The following DIAPH2 variants were observed in gnomAD, a reference collection of about 807,000 sequenced individuals.
The protein encoded by DIAPH2 is protein diaphanous homolog 2.
A neutral mutation model predicts 92.7 loss-of-function variants in DIAPH2; 35 were observed. The ratio of observed to expected loss-of-function variants is 0.38; its 90% CI spans 0.29 to 0.50. DIAPH2 has a LOEUF of 0.50. DIAPH2 is among the 20% of genes least tolerant of loss of function. The probability of loss-of-function intolerance (pLI) is 0.94; values close to 1 mark genes in which losing one functional copy is unlikely to be tolerated. For synonymous variants in DIAPH2, 301 were observed against 280.4 expected, an observed-to-expected ratio of 1.07 and a Z score of -0.73; for missense variants, 701 against 819.5, an observed-to-expected ratio of 0.86 and a Z score of 1.77.
At chrX:97,083,885 T>C (rs2066765152) in intron 19 of DIAPH2, among the ~76,000 whole-genome samples, 1 of 111,620 alleles carries the variant, frequency 9.0e-6, no homozygotes, top group Non-Finnish European at 1.9e-5. Context: ...CATGTTAAGC[T>C]CTGATTCTGA....
chrX:96,940,188 G>T (rs971949491), intron 12 of DIAPH2, among the ~76,000 whole-genome samples: 3 of 110,969 alleles, frequency 2.7e-5, no homozygotes, highest in Non-Finnish European at 3.8e-5. Flanking sequence ...TATTAAGTAA[G>T]GTTTTACTGT....
chrX:97,302,930 G>C lies in DIAPH2; in HGVS notation c.2845-45186G>C, dbSNP rs192986100. Among the ~76,000 whole-genome samples, 477 of 112,230 alleles carry C rather than the reference G, an allele frequency of 4.3e-3. 3 individuals are homozygous for C. Among genetic ancestry groups the C allele is most frequent in the African/African-American group, 0.013 (412 of 30,924 alleles). On this transcript the variant is annotated intron_variant, in intron 23 of 26. Transcript: ENST00000324765. The stretch of plus-strand genomic sequence containing the variant: ...ACCCAGGAGGCGGAGGTTGCAGTGA[G>C]CCGAGATCGCGCCACTGCACTCCAG...
chrX:96,837,665 G>A (rs1423210398), intron 4 of DIAPH2, among the ~76,000 whole-genome samples: 1 of 111,218 alleles, frequency 9.0e-6, no homozygotes, highest in Non-Finnish European at 1.9e-5. Context: ...TAAGTAAAAG[G>A]GGGACTTGGA....
chrX:97,411,625 A>C (rs1171431625), intron 25 of DIAPH2, among the ~76,000 whole-genome samples: 3 of 112,197 alleles, frequency 2.7e-5, no homozygotes, highest in Non-Finnish European at 5.6e-5. Flanking sequence ...ATAAAGAGTC[A>C]AGACCCATCA....
At chrX:97,440,851 G>T (rs1279571455) in intron 26 of DIAPH2, among the ~76,000 whole-genome samples, 1 of 110,479 alleles carries the variant, frequency 9.1e-6, no homozygotes, top group African/African-American at 3.3e-5. Flanking sequence ...TAGGAGGGGG[G>T]TGAGAGATGA....
chrX:96,946,478 C>T (rs1239022714), intron 14 of DIAPH2, among the ~76,000 whole-genome samples: 1 of 111,547 alleles, frequency 9.0e-6, no homozygotes, highest in African/African-American at 3.3e-5. Context: ...ATCACTTTTG[C>T]TATCACTCTA....
intron 4 of DIAPH2, among the ~76,000 whole-genome samples, chrX:96,827,744 T>A (rs1467265958): frequency 8.9e-6 from 1 of 112,075 alleles, no homozygotes; most frequent in African/African-American, 3.2e-5. Flanking sequence ...GCCGTCAGAG[T>A]GATGATGCCA....
intron 17 of DIAPH2, among the ~76,000 whole-genome samples, chrX:97,027,296 C>T (rs932903449): frequency 4.5e-5 from 5 of 111,928 alleles, no homozygotes; most frequent in East Asian, 2.8e-4. Context: ...AAGTAAGTTA[C>T]GTGCAACTGC....
chrX:97,589,549 C>G (rs1228245160), intron 26 of DIAPH2, among the ~76,000 whole-genome samples: 2 of 110,359 alleles, frequency 1.8e-5, no homozygotes, highest in African/African-American at 6.6e-5. Context: ...GCATAGTATC[C>G]CAATGTTTGT....
chrX:97,492,256 A>G (rs781050886), intron 26 of DIAPH2, among the ~76,000 whole-genome samples: 32 of 110,888 alleles, frequency 2.9e-4, no homozygotes, highest in Non-Finnish European at 5.3e-4. Context: ...CAACATGGCA[A>G]AACCCTGTCT....
chrX:96,746,993 AT>A (rs2064154667), intron 3 of DIAPH2, among the ~76,000 whole-genome samples: 1 of 112,043 alleles, frequency 8.9e-6, no homozygotes, highest in Non-Finnish European at 1.9e-5. Context: ...TAATGCTGTA[AT>A]TGAGTAACTC....
At chrX:97,209,976 T>G (rs1025742592) in intron 22 of DIAPH2, among the ~76,000 whole-genome samples, 3 of 111,471 alleles carry the variant, frequency 2.7e-5, no homozygotes, top group African/African-American at 6.5e-5. Flanking sequence ...CATAGTATTA[T>G]AAAATAAAAC....
intron 1 of DIAPH2, among the ~76,000 whole-genome samples, chrX:96,706,644 C>T (rs781263072): frequency 9.0e-5 from 10 of 111,383 alleles, no homozygotes; most frequent in Non-Finnish European, 1.3e-4. Context: ...GACATCATTG[C>T]GAGGTACTGA....
chrX:96,865,010 C>T (rs1429235275), intron 4 of DIAPH2, among the ~76,000 whole-genome samples: 1 of 112,050 alleles, frequency 8.9e-6, no homozygotes, highest in Non-Finnish European at 1.9e-5. Context: ...GAACCAAATA[C>T]TGAAATCTAT....
intron 22 of DIAPH2, among the ~76,000 whole-genome samples, chrX:97,239,814 C>A (rs2068076783): frequency 9.3e-6 from 1 of 107,959 alleles, no homozygotes; most frequent in African/African-American, 3.4e-5. Flanking sequence ...ACCATCATCA[C>A]CCTGCAACCT....
At chrX:96,879,860 G>T (rs1286204666) in intron 4 of DIAPH2, among the ~76,000 whole-genome samples, 2 of 110,648 alleles carry the variant, frequency 1.8e-5, no homozygotes, top group African/African-American at 3.3e-5. Flanking sequence ...CTCACGAGTT[G>T]CTGGGATTAC....
At chrX:97,082,195 A>G (rs748804878) in intron 19 of DIAPH2, among the ~76,000 whole-genome samples, 1 of 110,827 alleles carries the variant, frequency 9.0e-6, no homozygotes, top group African/African-American at 3.3e-5. Context: ...CTCAGAAATC[A>G]TATTTTATGC....
intron 26 of DIAPH2, among the ~76,000 whole-genome samples, chrX:97,561,255 CA>C (rs1259870902): frequency 8.9e-6 from 1 of 111,902 alleles, no homozygotes; most frequent in Non-Finnish European, 1.9e-5. Context: ...ATTGAATTGC[CA>C]GTGATAGACA....
chrX:97,013,734 A>G (rs2066242312), intron 17 of DIAPH2, among the ~76,000 whole-genome samples: 1 of 112,216 alleles, frequency 8.9e-6, no homozygotes, highest in South Asian at 3.7e-4. Flanking sequence ...AACATTAGGA[A>G]ATCTTGGTGC....
Sources: gnomAD v4.1 joint callset for allele counts (sites outside exome capture counted in the v4.1 genomes callset) on GRCh38, gnomAD v4.1.1 for gene constraint, MANE v1.5 for transcripts, NCBI Gene and HGNC (gene_info 2026-07-23, HGNC 2026-07-21) for gene names.